Variants in SNX7 observed in about 807,000 individuals in gnomAD.
SNX7 encodes the protein sorting nexin 7, also known as sorting nexin-7.
Under a neutral mutation model 48.4 loss-of-function variants are expected in SNX7, and 35 were observed. The ratio of observed to expected loss-of-function variants is 0.72; its 90% CI spans 0.55 to 0.96. The LOEUF is 0.96. Among genes scored for constraint, SNX7 ranks in the 40% least tolerant of loss-of-function variants. SNX7 has a pLI of 0.00. For missense variants in SNX7, 553 were observed against 548.9 expected (o/e 1.01, Z -0.07); for synonymous variants, 190 against 190.2 (o/e 1.00, Z 0.01).
chr1:98,664,413 A>G lies in SNX7; in HGVS notation c.180+2502A>G, dbSNP rs973978041. Reference sequence around the variant, plus strand: ...TGTGGTGGTGGGAGCCTTTAATCCTAGCTAACCGGGAAGCTGAGGCAGGAG... The same window carrying G: ...TGTGGTGGTGGGAGCCTTTAATCCTGGCTAACCGGGAAGCTGAGGCAGGAG... On this transcript the variant is annotated intron_variant, in intron 1 of 8. Coordinates refer to ENST00000306121, the MANE Select transcript of SNX7 (RefSeq NM_015976.5). Among the ~76,000 whole-genome samples, 4 of 152,274 alleles carry G rather than the reference A, an allele frequency of 2.6e-5. No homozygotes were observed. In the South Asian group the frequency reaches 8.3e-4, roughly 32 times the overall value.
At position 98,760,170 on chromosome 1, in the gene SNX7, A is replaced by G. The variant is rs778768056; in HGVS notation, c.*39A>G. On this transcript the variant is annotated 3_prime_UTR_variant, in exon 9 of 9. Transcript: ENST00000306121. ...TTCTGTTTGATCTTTGGGAGACAGCATTTATTAACCAAAGTTATTCTTTCT... is the reference window on the plus strand; with the variant it reads ...TTCTGTTTGATCTTTGGGAGACAGCGTTTATTAACCAAAGTTATTCTTTCT... 79 of 1,430,064 alleles carry G rather than the reference A, an allele frequency of 5.5e-5. No homozygotes were observed. Among genetic ancestry groups the G allele is most frequent in the Non-Finnish European group, 7.8e-5 (79 of 1,013,504 alleles). The allele number at this position is 1,430,064 out of a possible 1,614,324, so 88.6% of individuals were successfully genotyped here.
In SNX7 at chr1:98,713,429, T is replaced by A. The variant is rs951228980; in HGVS notation, c.1125+11526T>A. On this transcript the variant is annotated intron_variant, in intron 7 of 8. Transcript: ENST00000306121. ...TTCTACTCAGACCACTAAAACTTTCTCCATATCAGCAATAAGGCTTTTTTT... is the reference window on the plus strand; with the variant it reads ...TTCTACTCAGACCACTAAAACTTTCACCATATCAGCAATAAGGCTTTTTTT... 5.4e-4 allele frequency among the ~76,000 whole-genome samples: 81 copies of A among 149,794 alleles called. 1 individual carries two copies. The highest frequency in any genetic ancestry group is 1.9e-3 in the African/African-American group (78 of 41,120).
chr1:98,695,525 C>A lies in SNX7; in HGVS notation c.647C>A (p.Ser216Tyr), dbSNP rs757467199. 1 of 1,613,470 alleles carries A rather than the reference C, an allele frequency of 6.2e-7. No individual in the cohort carries two copies. Among genetic ancestry groups the A allele is most frequent in the East Asian group, 2.2e-5 (1 of 44,864 alleles). Residue 216 changes from serine to tyrosine, a missense_variant, in exon 5 of 9, where the codon TCT (serine) becomes TAT (tyrosine). Transcript: ENST00000306121. ...TTGGTTTTTTGTTTCTAGGAACTCTCTTCTCACAAGAAGCAAGGTCCTGGC... is the reference window on the plus strand; with the variant it reads ...TTGGTTTTTTGTTTCTAGGAACTCTATTCTCACAAGAAGCAAGGTCCTGGC... ...IFLTAQAWEL[S>Y]SHKKQGPGLL... is the part of the protein sequence containing the mutation.
chr1:98,678,851 C>T (rs1650319285), intron 1 of SNX7, among the ~76,000 whole-genome samples: 1 of 152,010 alleles, frequency 6.6e-6, no homozygotes, highest in Non-Finnish European at 1.5e-5. Flanking sequence ...TAGTGGAAAA[C>T]CTATTGATGG....
intron 7 of SNX7, among the ~76,000 whole-genome samples, chr1:98,713,779 A>G (rs1308830605): frequency 6.6e-6 from 1 of 152,228 alleles, no homozygotes; most frequent in African/African-American, 2.4e-5. Context: ...CAGTCAGAAC[A>G]TACACATTTA....
intron 7 of SNX7, among the ~76,000 whole-genome samples, chr1:98,737,861 C>A (rs1250325786): frequency 6.6e-6 from 1 of 152,162 alleles, no homozygotes; most frequent in East Asian, 1.9e-4. Context: ...GACACCATAT[C>A]TTTTAATATA....
At chr1:98,748,848 A>T (rs1654437658) in intron 8 of SNX7, among the ~76,000 whole-genome samples, 1 of 152,088 alleles carries the variant, frequency 6.6e-6, no homozygotes. Context: ...TATCCCATTC[A>T]CATACACCCC....
intron 8 of SNX7, among the ~76,000 whole-genome samples, chr1:98,742,393 A>G (rs761222173): frequency 1.3e-5 from 2 of 152,012 alleles, no homozygotes; most frequent in Non-Finnish European, 2.9e-5. Context: ...ACATGACCGT[A>G]TCTGTTACTC....
At chr1:98,687,645 G>T (rs1295706727) in intron 2 of SNX7, among the ~76,000 whole-genome samples, 1 of 152,088 alleles carries the variant, frequency 6.6e-6, no homozygotes, top group Admixed American at 6.6e-5. Context: ...TGAAGAAGGG[G>T]TGTTTGCATA....
intron 2 of SNX7, among the ~76,000 whole-genome samples, chr1:98,690,165 T>C (rs1196055195): frequency 6.6e-6 from 1 of 152,150 alleles, no homozygotes; most frequent in Non-Finnish European, 1.5e-5. Context: ...AATGTGTTAT[T>C]CCATGTTTAC....
chr1:98,719,244 G>A (rs1171756786), intron 7 of SNX7, among the ~76,000 whole-genome samples: 1 of 152,078 alleles, frequency 6.6e-6, no homozygotes, highest in Non-Finnish European at 1.5e-5. Flanking sequence ...CATAGGAAGG[G>A]ATAAAAGAGT....
At chr1:98,750,879 G>A (rs1385781132) in intron 8 of SNX7, among the ~76,000 whole-genome samples, 1 of 152,028 alleles carries the variant, frequency 6.6e-6, no homozygotes, top group Non-Finnish European at 1.5e-5. Flanking sequence ...AAAATTTTAT[G>A]TTTGCTGTAT....
At chr1:98,678,819 ATAT>A (rs774874770) in intron 1 of SNX7, among the ~76,000 whole-genome samples, 3 of 152,228 alleles carry the variant, frequency 2.0e-5, no homozygotes, top group African/African-American at 4.8e-5. Context: ...TTTAAACAAA[ATAT>A]TATACTCTTT....
chr1:98,752,396 G>C (rs1284090042), intron 8 of SNX7, among the ~76,000 whole-genome samples: 1 of 151,912 alleles, frequency 6.6e-6, no homozygotes, highest in Non-Finnish European at 1.5e-5. Context: ...GTGGAAACAG[G>C]CAATTACATT....
At chr1:98,737,397 C>A (rs563434106) in intron 7 of SNX7, among the ~76,000 whole-genome samples, 8 of 152,226 alleles carry the variant, frequency 5.3e-5, no homozygotes, top group African/African-American at 1.9e-4. Context: ...TAGTTTGTCT[C>A]TCCCCAGTAC....
intron 7 of SNX7, among the ~76,000 whole-genome samples, chr1:98,726,756 A>G (rs9324401): frequency 0.29 from 43,796 of 151,956 alleles, 6,826 homozygotes; most frequent in Non-Finnish European, 0.34. Context: ...ACTCTAAGGC[A>G]ACTGTTAAGG....
At chr1:98,741,683 C>T (rs1352426686) in intron 8 of SNX7, among the ~76,000 whole-genome samples, 1 of 152,024 alleles carries the variant, frequency 6.6e-6, no homozygotes, top group Admixed American at 6.6e-5. Context: ...AAATGACTTC[C>T]TGCTAATGTG....
At chr1:98,737,520 T>C (rs183599988) in intron 7 of SNX7, among the ~76,000 whole-genome samples, 2 of 152,302 alleles carry the variant, frequency 1.3e-5, no homozygotes, top group East Asian at 3.9e-4. Flanking sequence ...ATATACTGAA[T>C]ATATGAATAG....
intron 8 of SNX7, among the ~76,000 whole-genome samples, chr1:98,745,678 G>C (rs1654277366): frequency 6.6e-6 from 1 of 152,012 alleles, no homozygotes; most frequent in Non-Finnish European, 1.5e-5. Context: ...TTTTATACCA[G>C]TTAACTTTTC....
Sources: allele counts gnomAD v4.1 joint callset (sites outside exome capture counted in the v4.1 genomes callset), GRCh38; gene constraint gnomAD v4.1.1; transcripts MANE v1.5; gene names NCBI Gene and HGNC (gene_info 2026-07-23, HGNC 2026-07-21).